SVOPL: variants seen among roughly 807,000 people sequenced by gnomAD.
SVOPL encodes SVOP like.
A neutral mutation model predicts 61.0 loss-of-function variants in SVOPL; 60 were observed. The ratio of observed to expected loss-of-function variants is 0.98; its 90% confidence interval spans 0.80 to 1.22. SVOPL has a LOEUF of 1.22. SVOPL is among the 50% of genes most tolerant of loss of function. SVOPL has a pLI of 0.00. For synonymous variants in SVOPL, 279 were observed against 250.0 expected (o/e 1.12, Z -1.09); for missense variants, 662 against 643.9 (o/e 1.03, Z -0.30).
chr7:138,594,644 A>T (rs749571397), intron 15 of SVOPL, 23 bp from the exon 16 acceptor site: 32 of 1,584,258 alleles, frequency 2.0e-5, no homozygotes, highest in South Asian at 3.4e-5. Context: ...TATTTAATAG[A>T]TCAGTAATAG....
In SVOPL at chr7:138,615,658, G is replaced by C. The variant is rs532136505; in HGVS notation, c.1353+5388C>G. 1.1e-4 allele frequency among the ~76,000 whole-genome samples: 10 copies of C among 88,006 alleles called. 3 individuals are homozygous for C. The highest frequency in any genetic ancestry group is 2.3e-4 in the Non-Finnish European group (9 of 38,742). The allele number at this position is 88,006 out of a possible 152,430, so 57.7% of individuals were successfully genotyped here. On this transcript the variant is annotated intron_variant, in intron 14 of 15. Coordinates refer to ENST00000674285, the MANE Select transcript of SVOPL (RefSeq NM_001139456.2). ...AAAAATACAAAAATTAGCTAGGCAT[G>C]GTGGCAGGTGCCTGTAGTCTCAGCT...
At chr7:138,670,673 T>C (rs921435009) in intron 4 of SVOPL, among the ~76,000 whole-genome samples, 2 of 152,204 alleles carry the variant, frequency 1.3e-5, no homozygotes, top group African/African-American at 4.8e-5. Context: ...TACAATAAAA[T>C]TCTGGCCTCT....
chr7:138,637,441 T>C (rs1312168476), intron 9 of SVOPL, among the ~76,000 whole-genome samples: 1 of 58,342 alleles, frequency 1.7e-5, no homozygotes, highest in African/African-American at 4.2e-5. Flanking sequence ...TATATATATA[T>C]AGATAGATAG....
chr7:138,606,633 GATT>G (rs1386999099), intron 14 of SVOPL, among the ~76,000 whole-genome samples: 1 of 152,146 alleles, frequency 6.6e-6, no homozygotes, highest in Non-Finnish European at 1.5e-5. Flanking sequence ...GCTACAGCTT[GATT>G]TTTTAGGCTG....
At chr7:138,608,898 A>G (rs1659824) in intron 14 of SVOPL, among the ~76,000 whole-genome samples, 104,671 of 152,022 alleles carry the variant, frequency 0.69, 37,233 homozygotes, top group East Asian at 1. Context: ...ATTGCCAAAT[A>G]CGGAATATTT....
chr7:138,663,189 A>C, intron 4 of SVOPL, 44 bp from the exon 5 acceptor site: 2 of 1,596,602 alleles, frequency 1.3e-6, no homozygotes, highest in Middle Eastern at 1.7e-4. Context: ...AGCAGGTTTT[A>C]CATGTTACTT....
In SVOPL at chr7:138,596,454, A is replaced by T; in HGVS notation, c.1430T>A (p.Phe477Tyr). ...SVCVVCAISA[F>Y]TLPIETKGRA... ...TCCTTTGGTTTCGATGGGGAGAGTGAATGCAGAAATGGCGCATACAACACA... is the reference window on the plus strand; with the variant it reads ...TCCTTTGGTTTCGATGGGGAGAGTGTATGCAGAAATGGCGCATACAACACA... The change falls in exon 15 of 16, where the codon TTC (phenylalanine) becomes TAC (tyrosine). Residue 477 changes from phenylalanine (F) to tyrosine (Y), a missense_variant. By Grantham distance (22) the Phe-to-Tyr change is conservative. Coordinates refer to ENST00000674285, the MANE Select transcript of SVOPL (RefSeq NM_001139456.2). 8 of 1,614,044 alleles carry T rather than the reference A, an allele frequency of 5.0e-6. No individual in the cohort carries two copies. Among genetic ancestry groups the T allele is most frequent in the African/African-American group, 1.3e-5 (1 of 75,034 alleles).
chr7:138,655,430 A>G (rs1294038665), intron 7 of SVOPL, among the ~76,000 whole-genome samples: 2 of 151,862 alleles, frequency 1.3e-5, no homozygotes, highest in Non-Finnish European at 2.9e-5. Context: ...ACTTGAACCC[A>G]GGAGGCAGAG....
In SVOPL at chr7:138,667,939, G is replaced by C. The variant is rs58568101; in HGVS notation, c.273+4080C>G. On this transcript the variant is annotated intron_variant, in intron 4 of 15. Transcript: ENST00000674285. ...CCAACCTCCTTCTTGGCTAGGACTA[G>C]ACTGCCTTTGTAGGACTAACAAATT... Among the ~76,000 whole-genome samples, 995 of 152,290 alleles carry C rather than the reference G, an allele frequency of 6.5e-3. 22 individuals are homozygous for C. Among genetic ancestry groups the C allele is most frequent in the African/African-American group, 0.022 (928 of 41,554 alleles).
At chr7:138,642,574 C>T (rs1800866000) in intron 9 of SVOPL, among the ~76,000 whole-genome samples, 1 of 151,782 alleles carries the variant, frequency 6.6e-6, no homozygotes, top group African/African-American at 2.4e-5. Flanking sequence ...CACCTGTAAT[C>T]CTAGCACTTT....
At chr7:138,595,050 C>T (rs529916147) in intron 15 of SVOPL, among the ~76,000 whole-genome samples, 1 of 152,122 alleles carries the variant, frequency 6.6e-6, no homozygotes, top group South Asian at 2.1e-4. Context: ...GCCACTGTAC[C>T]TGGCCAATAT....
intron 10 of SVOPL, 115 bp downstream of exon 10, chr7:138,629,934 T>C: frequency 1.3e-6 from 1 of 756,904 alleles, no homozygotes; most frequent in Non-Finnish European, 2.3e-6. Flanking sequence ...GTCTTTGTAG[T>C]ATTTGGAGTT....
intron 7 of SVOPL, among the ~76,000 whole-genome samples, chr7:138,649,704 C>A (rs1291822476): frequency 1.3e-5 from 2 of 152,040 alleles, no homozygotes; most frequent in African/African-American, 4.8e-5. Context: ...TAGAGTGGGA[C>A]TTGAGTCATC....
intron 9 of SVOPL, among the ~76,000 whole-genome samples, chr7:138,639,636 A>G (rs527444461): frequency 1.3e-5 from 2 of 152,052 alleles, no homozygotes; most frequent in Admixed American, 6.5e-5. Context: ...AAAAAAAGAA[A>G]AGAAGAGAAA....
chr7:138,628,421 T>A, intron 10 of SVOPL, 58 bp from the exon 11 acceptor site: 1 of 1,559,372 alleles, frequency 6.4e-7, no homozygotes, highest in Non-Finnish European at 8.7e-7. Context: ...GAAGGATGAG[T>A]GGGGAGGGGA....
chr7:138,661,310 T>C, intron 5 of SVOPL: 2 of 985,456 alleles, frequency 2.0e-6, no homozygotes, highest in African/African-American at 1.7e-5. Flanking sequence ...TATACCAACA[T>C]GAGCAAAATG....
At chr7:138,659,799 T>C in intron 6 of SVOPL, 65 bp downstream of exon 6, 1 of 1,448,210 alleles carries the variant, frequency 6.9e-7, no homozygotes, top group East Asian at 2.5e-5. Flanking sequence ...AAGCGCAGTG[T>C]GTGTGCATCA....
At chr7:138,652,188 A>C (rs756824508) in intron 7 of SVOPL, among the ~76,000 whole-genome samples, 12 of 152,030 alleles carry the variant, frequency 7.9e-5, no homozygotes, top group African/African-American at 1.2e-4. Context: ...AGCAGCTGGG[A>C]TTACAGGTGC....
intron 3 of SVOPL, among the ~76,000 whole-genome samples, chr7:138,674,458 C>T (rs745612671): frequency 4.6e-5 from 7 of 151,844 alleles, no homozygotes; most frequent in Non-Finnish European, 7.4e-5. Context: ...AAGATTTGGT[C>T]CCTGCACCCA....
Sources: gnomAD v4.1 joint callset for allele counts (sites outside exome capture counted in the v4.1 genomes callset) on GRCh38, gnomAD v4.1.1 for gene constraint, MANE v1.5 for transcripts, NCBI Gene and HGNC (gene_info 2026-07-23, HGNC 2026-07-21) for gene names.